FAM135B: variants seen among roughly 807,000 people sequenced by gnomAD.
FAM135B encodes the protein family with sequence similarity 135 member B.
A neutral mutation model predicts 127.7 loss-of-function variants in FAM135B; 43 were observed. That is an observed-to-expected ratio of 0.34 (90% confidence interval 0.26 to 0.43). The LOEUF is 0.43. Among genes scored for constraint, FAM135B ranks in the 20% least tolerant of loss-of-function variants. FAM135B has a pLI of 1.00. For missense variants in FAM135B, 1,558 were observed against 1,725.6 expected, an observed-to-expected ratio of 0.90 and a Z score of 1.72; for synonymous variants, 670 against 665.1, an observed-to-expected ratio of 1.01 and a Z score of -0.11.
At chr8:138,287,463 TTTC>T (rs1189588538) in intron 3 of FAM135B, among the ~76,000 whole-genome samples, 29 of 149,974 alleles carry the variant, frequency 1.9e-4, no homozygotes, top group African/African-American at 3.4e-4. Flanking sequence ...TTTTTTTTTT[TTTC>T]AAATCTGCAT....
At chr8:138,414,105 T>C (rs1446513380) in intron 1 of FAM135B, among the ~76,000 whole-genome samples, 1 of 140,012 alleles carries the variant, frequency 7.1e-6, no homozygotes, top group African/African-American at 2.8e-5. Flanking sequence ...AGTTCCCCTG[T>C]TCACACACAA....
In FAM135B at chr8:138,394,562, G is replaced by A. The variant is rs897106664; in HGVS notation, c.-19-26560C>T. 6.6e-5 allele frequency among the ~76,000 whole-genome samples: 10 copies of A among 152,306 alleles called. 1 individual carries two copies. In the Middle Eastern group the frequency reaches 0.01, roughly 155 times the overall value. ...CTGCTCTTGTGCAAACTCGAAGAGCGCTTTAGACCAGTTATTCTACCTGTG... is the reference window on the plus strand; with the variant it reads ...CTGCTCTTGTGCAAACTCGAAGAGCACTTTAGACCAGTTATTCTACCTGTG... On this transcript the variant is annotated intron_variant, in intron 1 of 19. Transcript: ENST00000395297.
intron 7 of FAM135B, among the ~76,000 whole-genome samples, chr8:138,202,150 C>T (rs941332422): frequency 9.0e-6 from 1 of 111,224 alleles, no homozygotes; most frequent in Non-Finnish European, 1.8e-5. Context: ...AGGCACCTCT[C>T]CCCTTCTGAG....
intron 9 of FAM135B, 84 bp downstream of exon 9, chr8:138,195,174 G>C (rs772948487): frequency 7.2e-7 from 1 of 1,388,728 alleles, no homozygotes; most frequent in East Asian, 2.3e-5. Flanking sequence ...TTTCACTTCT[G>C]TTTTTTACAG....
chr8:138,311,019 G>T, intron 2 of FAM135B, 99 bp from the exon 3 acceptor site: 1 of 928,672 alleles, frequency 1.1e-6, no homozygotes, highest in Admixed American at 2.5e-5. Flanking sequence ...AGGAAATCAG[G>T]GAAGTTTCTT....
At chr8:138,206,928 C>T (rs1217542521) in intron 7 of FAM135B, among the ~76,000 whole-genome samples, 2 of 151,730 alleles carry the variant, frequency 1.3e-5, no homozygotes, top group African/African-American at 4.8e-5. Flanking sequence ...CCTCCCCCTA[C>T]CCACAACTCC....
chr8:138,446,573 A>G (rs1001627466), intron 1 of FAM135B, among the ~76,000 whole-genome samples: 4 of 152,236 alleles, frequency 2.6e-5, no homozygotes, highest in African/African-American at 9.6e-5. Context: ...CCTATTTAAT[A>G]AATCGTTCAG....
chr8:138,278,503 T>C (rs1316006732), intron 3 of FAM135B, among the ~76,000 whole-genome samples: 3 of 150,984 alleles, frequency 2.0e-5, no homozygotes, highest in South Asian at 2.1e-4. Flanking sequence ...ACCACTGTGG[T>C]ACTGGGGGAG....
intron 12 of FAM135B, among the ~76,000 whole-genome samples, chr8:138,165,629 T>C (rs1280669418): frequency 6.6e-6 from 1 of 152,170 alleles, no homozygotes; most frequent in Non-Finnish European, 1.5e-5. Flanking sequence ...GTTCAGATTC[T>C]CTGTAGTTAA....
At chr8:138,176,821 G>A (rs967311542) in intron 11 of FAM135B, among the ~76,000 whole-genome samples, 27 of 152,256 alleles carry the variant, frequency 1.8e-4, no homozygotes, top group African/African-American at 6.5e-4. Flanking sequence ...CCACTCACCT[G>A]GGAATCTATG....
chr8:138,155,297 A>G (rs1438798691), intron 12 of FAM135B, among the ~76,000 whole-genome samples: 5 of 152,250 alleles, frequency 3.3e-5, no homozygotes, highest in African/African-American at 7.2e-5. Context: ...TGAAGGAAGC[A>G]CTAAACATGG....
intron 1 of FAM135B, among the ~76,000 whole-genome samples, chr8:138,446,524 T>C (rs1836170381): frequency 6.6e-6 from 1 of 152,210 alleles, no homozygotes; most frequent in Non-Finnish European, 1.5e-5. Flanking sequence ...ATCTGATCTT[T>C]GACAAACCTG....
chr8:138,460,589 A>G (rs140419718), intron 1 of FAM135B, among the ~76,000 whole-genome samples: 1 of 152,304 alleles, frequency 6.6e-6, no homozygotes, highest in African/African-American at 2.4e-5. Flanking sequence ...CAGACTATTA[A>G]GATTGGGGAA....
intron 13 of FAM135B, among the ~76,000 whole-genome samples, chr8:138,150,639 G>A (rs1818052355): frequency 1.3e-5 from 2 of 151,860 alleles, no homozygotes; most frequent in South Asian, 4.2e-4. Context: ...CTGCACTCCA[G>A]CCTGGCGACA....
At chr8:138,190,618 AGTT>A (rs1427900304) in intron 9 of FAM135B, among the ~76,000 whole-genome samples, 17 of 152,258 alleles carry the variant, frequency 1.1e-4, no homozygotes, top group South Asian at 2.1e-4. Flanking sequence ...TTTTTGTTGT[AGTT>A]GTTGTTGTTT....
In FAM135B at chr8:138,243,010, C is replaced by G. The variant is rs771491510; in HGVS notation, c.601G>C (p.Glu201Gln). 1 of 1,613,826 alleles carries G rather than the reference C, an allele frequency of 6.2e-7. No individual in the cohort carries two copies. Among genetic ancestry groups the G allele is most frequent in the African/African-American group, 1.3e-5 (1 of 74,904 alleles). Reference protein sequence around the residue: ...LGKGGPDTGQEQSIISLENLV... With the variant: ...LGKGGPDTGQQQSIISLENLV... ...TTTTCCAGAGAAATGATAGACTGTT[C>G]TTGTCCGGTGTCTGGGCCACCTTTA... is the stretch of plus-strand genomic sequence containing the variant. Residue 201 changes from glutamate (E) to glutamine (Q), a missense_variant, in exon 7 of 20, where the codon GAA becomes CAA. This residue lies in a region of FAM135B where 127 missense variants were observed against 109.7 expected (regional missense o/e 1.16). Transcript: ENST00000395297. The surrounding 1 kb of genome is among the most constrained non-coding windows in gnomAD (Gnocchi z 7.5).
At chr8:138,465,939 C>T (rs146379168) in intron 1 of FAM135B, among the ~76,000 whole-genome samples, 2 of 152,308 alleles carry the variant, frequency 1.3e-5, no homozygotes, top group Non-Finnish European at 2.9e-5. Context: ...GCCTTCACAC[C>T]CAGATAACTT....
chr8:138,434,429 T>C (rs1410328155), intron 1 of FAM135B, among the ~76,000 whole-genome samples: 1 of 152,174 alleles, frequency 6.6e-6, no homozygotes, highest in Non-Finnish European at 1.5e-5. Context: ...GGTGTAAGTG[T>C]TCCCATTATT....
intron 2 of FAM135B, among the ~76,000 whole-genome samples, chr8:138,316,374 G>A (rs1488244443): frequency 6.6e-6 from 1 of 151,966 alleles, no homozygotes; most frequent in Non-Finnish European, 1.5e-5. Flanking sequence ...GGCGCCTGTA[G>A]TCCCAGCTAC....
Sources: gnomAD v4.1 joint callset for allele counts (sites outside exome capture counted in the v4.1 genomes callset) on GRCh38, gnomAD v4.1.1 for gene constraint, gnomAD v4.1.1 regional missense constraint, Gnocchi (gnomAD v3.1) non-coding constraint, MANE v1.5 for transcripts, NCBI Gene and HGNC (gene_info 2026-07-23, HGNC 2026-07-21) for gene names.